CELF2: variants seen among roughly 807,000 people sequenced by gnomAD.
CELF2 encodes the protein CUG triplet repeat RNA-binding protein 2.
In CELF2, 8 loss-of-function variants were observed where a neutral mutation model predicts 62.6. That is an observed-to-expected ratio of 0.13 (90% CI 0.07 to 0.23). The LOEUF is 0.23. Among genes scored for constraint, CELF2 ranks in the 10% least tolerant of loss-of-function variants. CELF2 has a pLI of 1.00. For missense variants in CELF2, 333 were observed against 671.0 expected (o/e 0.50, Z 5.56); for synonymous variants, 258 against 250.0 (o/e 1.03, Z -0.30).
intron 3 of CELF2, among the ~76,000 whole-genome samples, chr10:11,218,582 A>G (rs915564168): frequency 6.6e-6 from 1 of 152,244 alleles, no homozygotes; most frequent in African/African-American, 2.4e-5. Flanking sequence ...GAGGTTCTTC[A>G]TCACCCAAAA....
the CELF2 span, among the ~76,000 whole-genome samples, chr10:10,535,578 G>A: frequency 6.6e-6 from 1 of 152,170 alleles, no homozygotes; most frequent in East Asian, 1.9e-4. Context: ...AAATTAGCTG[G>A]GCATGGTGGC....
Position 11,267,193 on chromosome 10 carries a change from G to A in CELF2, c.618+516G>A, listed in dbSNP as rs1339284864. Among the ~76,000 whole-genome samples, 1 of 152,196 alleles carries A rather than the reference G, an allele frequency of 6.6e-6. No homozygotes were observed. Among genetic ancestry groups the A allele is most frequent in the Non-Finnish European group, 1.5e-5 (1 of 68,030 alleles). On this transcript the variant is annotated intron_variant, in intron 6 of 12. Coordinates refer to ENST00000633077, the MANE Select transcript of CELF2 (RefSeq NM_001326342.2). This position sits in a 1 kb window ranked among gnomAD's most constrained non-coding sequence, Gnocchi z 4.4. ...GGAGAAAGTTAATATTTCTCCCACT[G>A]CATTTAACATTGAAAGTGCAAATTT...
At chr10:10,487,289 G>A in the CELF2 span, among the ~76,000 whole-genome samples, 1 of 152,158 alleles carries the variant, frequency 6.6e-6, no homozygotes, top group Non-Finnish European at 1.5e-5. Context: ...GAATGGCCAA[G>A]TGGCCACGTC....
chr10:10,602,697 AT>A, the CELF2 span, among the ~76,000 whole-genome samples: 2 of 152,212 alleles, frequency 1.3e-5, no homozygotes, highest in African/African-American at 4.8e-5. Context: ...ATTATTATCT[AT>A]TTTTTATCTA....
At chr10:10,730,821 C>T in the CELF2 span, among the ~76,000 whole-genome samples, 5 of 152,308 alleles carry the variant, frequency 3.3e-5, no homozygotes, top group South Asian at 8.3e-4. Flanking sequence ...GTGGGAGATG[C>T]AGCAGAGTTG....
intron 1 of CELF2, among the ~76,000 whole-genome samples, chr10:11,033,458 T>C (rs940492876): frequency 3.3e-5 from 5 of 152,148 alleles, no homozygotes; most frequent in Non-Finnish European, 1.5e-5. Context: ...GGTTTCTCTA[T>C]GTTGGTCAGG....
chr10:10,771,905 A>G, the CELF2 span, among the ~76,000 whole-genome samples: 22 of 152,212 alleles, frequency 1.4e-4, no homozygotes, highest in African/African-American at 5.3e-4. Flanking sequence ...GATTTCAGTC[A>G]CTTACAACTG....
At chr10:11,086,665 C>T (rs1307959882) in intron 1 of CELF2, among the ~76,000 whole-genome samples, 1 of 139,660 alleles carries the variant, frequency 7.2e-6, no homozygotes, top group African/African-American at 2.7e-5. Context: ...AGCAATAAAT[C>T]TCTCGAGGCA....
the CELF2 span, among the ~76,000 whole-genome samples, chr10:10,521,633 G>T: frequency 2.9e-4 from 44 of 152,198 alleles, no homozygotes; most frequent in East Asian, 8.1e-3. Flanking sequence ...CATGTAACTC[G>T]TCTGAAGTGG....
At chr10:11,184,452 C>G (rs1465318822) in intron 2 of CELF2, among the ~76,000 whole-genome samples, 1 of 152,140 alleles carries the variant, frequency 6.6e-6, no homozygotes, top group African/African-American at 2.4e-5. Context: ...ACTACAGTTT[C>G]TATAGGAAAT....
At chr10:10,631,369 G>A in the CELF2 span, among the ~76,000 whole-genome samples, 1 of 152,146 alleles carries the variant, frequency 6.6e-6, no homozygotes, top group Non-Finnish European at 1.5e-5. Flanking sequence ...GAAGGGCTTG[G>A]AACTAACCTT....
chr10:10,584,212 G>T, the CELF2 span, among the ~76,000 whole-genome samples: 1 of 152,230 alleles, frequency 6.6e-6, no homozygotes, highest in South Asian at 2.1e-4. Context: ...AAATTTAAAG[G>T]AGCTTAATTG....
At chr10:10,866,003 C>T (rs943196948) in intron 1 of CELF2, among the ~76,000 whole-genome samples, 1 of 151,936 alleles carries the variant, frequency 6.6e-6, no homozygotes, top group Non-Finnish European at 1.5e-5. Flanking sequence ...AAGGGAGGTG[C>T]GTGTGTGGGG....
the CELF2 span, among the ~76,000 whole-genome samples, chr10:10,786,211 CTA>C: frequency 1.3e-5 from 2 of 152,124 alleles, no homozygotes; most frequent in Non-Finnish European, 2.9e-5. Context: ...GCTACTTTGG[CTA>C]TGTTTTCATT....
intron 1 of CELF2, among the ~76,000 whole-genome samples, chr10:11,092,643 A>C (rs1334541829): frequency 6.6e-6 from 1 of 152,208 alleles, no homozygotes; most frequent in African/African-American, 2.4e-5. Context: ...GTTTGTTCAA[A>C]TTCTTCTCTG....
chr10:11,243,060 G>A lies in CELF2; in HGVS notation c.355-6093G>A, dbSNP rs1335683594. Among the ~76,000 whole-genome samples the A allele has an allele frequency of 6.6e-6, 1 of 152,134 alleles. No homozygotes were observed. The highest frequency in any genetic ancestry group is 1.5e-5 in the Non-Finnish European group (1 of 68,024). On this transcript the variant is annotated intron_variant, in intron 3 of 12. Coordinates refer to ENST00000633077, the MANE Select transcript of CELF2 (RefSeq NM_001326342.2). The surrounding 1 kb of genome is among the most constrained non-coding windows in gnomAD (Gnocchi z 4.1). ...CTCAAGAAGCTCCAGCTCACTGAAAGCCCAAGCAGACCCCTGAAGGACTAT... is the reference window on the plus strand; with the variant it reads ...CTCAAGAAGCTCCAGCTCACTGAAAACCCAAGCAGACCCCTGAAGGACTAT...
chr10:11,283,193 G>A (rs1158613335), intron 8 of CELF2, among the ~76,000 whole-genome samples: 2 of 152,212 alleles, frequency 1.3e-5, no homozygotes, highest in Admixed American at 6.5e-5. Flanking sequence ...CAGCTGGGCT[G>A]TGCTTTGCTT....
intron 1 of CELF2, among the ~76,000 whole-genome samples, chr10:11,119,128 T>G (rs2057186222): frequency 6.6e-6 from 1 of 152,198 alleles, no homozygotes; most frequent in African/African-American, 2.4e-5. Flanking sequence ...AGAAAAGCAG[T>G]GCCACCATGT....
chr10:11,105,848 C>T lies in CELF2; in HGVS notation c.75-59638C>T, dbSNP rs1293774741. Among the ~76,000 whole-genome samples, 9 of 152,326 alleles carry T rather than the reference C, an allele frequency of 5.9e-5. No individual in the cohort carries two copies. In the East Asian group the frequency reaches 1.7e-3, roughly 29 times the overall value. ...ATTCTGCTCCAGTCTCCACTACTCCCTGGAATACGATACCCCAGTCACACT... is the reference window on the plus strand; with the variant it reads ...ATTCTGCTCCAGTCTCCACTACTCCTTGGAATACGATACCCCAGTCACACT... On this transcript the variant is annotated intron_variant, in intron 1 of 12. Coordinates refer to ENST00000633077, the MANE Select transcript of CELF2 (RefSeq NM_001326342.2).
Sources: gnomAD v4.1 joint callset for allele counts (sites outside exome capture counted in the v4.1 genomes callset) on GRCh38, gnomAD v4.1.1 for gene constraint, Gnocchi (gnomAD v3.1) non-coding constraint, MANE v1.5 for transcripts, NCBI Gene and HGNC (gene_info 2026-07-23, HGNC 2026-07-21) for gene names.